The following CACNG2 variants were observed in gnomAD, a reference collection of about 807,000 sequenced individuals.
CACNG2 encodes calcium voltage-gated channel auxiliary subunit gamma 2.
In CACNG2, 3 loss-of-function variants were observed where a neutral mutation model predicts 25.9. That is an observed-to-expected ratio of 0.12 (90% confidence interval 0.05 to 0.30). The LOEUF (loss-of-function observed/expected upper bound fraction) is 0.30. Among genes scored for constraint, CACNG2 ranks in the 10% least tolerant of loss-of-function variants. The pLI is 1.00. For missense variants in CACNG2, 341 were observed against 432.5 expected, an observed-to-expected ratio of 0.79 and a Z score of 1.88; for synonymous variants, 167 against 173.3, an observed-to-expected ratio of 0.96 and a Z score of 0.29.
intron 1 of CACNG2, among the ~76,000 whole-genome samples, chr22:36,668,630 AG>A (rs1410509881): frequency 6.6e-6 from 1 of 152,042 alleles, no homozygotes; most frequent in African/African-American, 2.4e-5. Flanking sequence ...CTGGGACTAC[AG>A]GTGCACACCA....
intron 1 of CACNG2, among the ~76,000 whole-genome samples, chr22:36,600,764 CTGGAACTCCCAACCTCAGGTGATCTG>C (rs1935744031): frequency 6.6e-6 from 1 of 152,118 alleles, no homozygotes; most frequent in Non-Finnish European, 1.5e-5. Flanking sequence ...CCAGGCTGGT[CTGGAACTCCCAACCTCAGGTGATCTG>C]CCCGCCCTGG....
chr22:36,582,235 C>A (rs1385802450), intron 2 of CACNG2, among the ~76,000 whole-genome samples: 1 of 152,054 alleles, frequency 6.6e-6, no homozygotes, highest in African/African-American at 2.4e-5. Context: ...CAGAGCAAAC[C>A]CCCAAATTCT....
chr22:36,657,139 T>C lies in CACNG2; in HGVS notation c.211+45227A>G, dbSNP rs138988226. ...ATGTGGCACCTGCCTCAGTCTCTGA[T>C]GTTTGCTAGGATTGTGCTGGGATAA... On this transcript the variant is annotated intron_variant, in intron 1 of 3. Coordinates refer to ENST00000300105, the MANE Select transcript of CACNG2 (RefSeq NM_006078.5). Among the ~76,000 whole-genome samples, 1,046 of 152,310 alleles carry C rather than the reference T, an allele frequency of 6.9e-3. 8 individuals are homozygous for C. The highest frequency in any genetic ancestry group is 0.011 in the Non-Finnish European group (775 of 68,024).
At chr22:36,653,986 G>GTCTC (rs1936665365) in intron 1 of CACNG2, among the ~76,000 whole-genome samples, 1 of 121,176 alleles carries the variant, frequency 8.3e-6, no homozygotes, top group African/African-American at 5.2e-5. Context: ...GTGTCTCTGT[G>GTCTC]TGTGTGTGTG....
rs1223847364 is a variant in CACNG2 at position 36,640,222 on chromosome 22, T to C, written c.212-52674A>G. Among the ~76,000 whole-genome samples the C allele has an allele frequency of 2.0e-5, 3 of 152,166 alleles. No homozygotes were observed. In the East Asian group the frequency reaches 5.8e-4, roughly 29 times the overall value. On this transcript the variant is annotated intron_variant, in intron 1 of 3. Coordinates refer to ENST00000300105, the MANE Select transcript of CACNG2 (RefSeq NM_006078.5). ...CGCGGCTCCTTCACAGGGGCGGTTG[T>C]GAGGAATCTGCAATGACAAGCAGGA...
rs71193254 is a variant in CACNG2, at chr22:36,661,966, C to CTTTTTTTTTTTTTTT, written c.211+40385_211+40399dup. Among the ~76,000 whole-genome samples the CTTTTTTTTTTTTTTT allele has an allele frequency of 4.5e-5, 2 of 44,540 alleles. 1 individual carries two copies. The highest frequency in any genetic ancestry group is 1.3e-4 in the Non-Finnish European group (2 of 15,318). The allele number at this position is 44,540 out of a possible 152,430, so 29.2% of individuals were successfully genotyped here. ...TGCTTCCTATGGACTCATTGCTATT[C>CTTTTTTTTTTTTTTT]TTTTTTTTTTTTTTTTTTTTTTTTT... On this transcript the variant is annotated intron_variant, in intron 1 of 3. Coordinates refer to ENST00000300105, the MANE Select transcript of CACNG2 (RefSeq NM_006078.5).
At chr22:36,565,823 T>G (rs1317793924) in intron 3 of CACNG2, among the ~76,000 whole-genome samples, 1 of 152,192 alleles carries the variant, frequency 6.6e-6, no homozygotes, top group Non-Finnish European at 1.5e-5. Context: ...TGGCTCAGGC[T>G]ACACCCAGGT....
rs2145952922 is a variant in CACNG2 at position 36,624,999 on chromosome 22, G to A, written c.212-37451C>T. On this transcript the variant is annotated intron_variant, in intron 1 of 3. Coordinates refer to ENST00000300105, the MANE Select transcript of CACNG2 (RefSeq NM_006078.5). ...GCCGAGATCATGCCACTGCACTCCA[G>A]CCTGGCAACAGAGTGAGACTCTGTC... is the stretch of plus-strand genomic sequence containing the variant. 2.4e-5 allele frequency among the ~76,000 whole-genome samples: 3 copies of A among 124,668 alleles called. No individual in the cohort carries two copies. In the South Asian group the frequency reaches 8.3e-4, roughly 34 times the overall value. 81.8% of individuals were successfully genotyped at this position (124,668 alleles called of 152,430 possible). A position where few individuals can be genotyped will look rare whatever the true frequency, so the allele number is the denominator to read the frequency against.
intron 1 of CACNG2, among the ~76,000 whole-genome samples, chr22:36,697,545 A>G (rs991732156): frequency 6.6e-6 from 1 of 152,208 alleles, no homozygotes. Flanking sequence ...TGTGTTGTTC[A>G]TTCCTGTGTG....
At chr22:36,590,400 G>A (rs1007835987) in intron 1 of CACNG2, among the ~76,000 whole-genome samples, 4 of 152,162 alleles carry the variant, frequency 2.6e-5, no homozygotes, top group African/African-American at 7.2e-5. Context: ...CCTCTAGCCT[G>A]GCACTCTGGA....
At chr22:36,628,015 A>G (rs1241299572) in intron 1 of CACNG2, among the ~76,000 whole-genome samples, 1 of 152,226 alleles carries the variant, frequency 6.6e-6, no homozygotes, top group Non-Finnish European at 1.5e-5. Flanking sequence ...TCCTAATAAT[A>G]TACATATATG....
intron 1 of CACNG2, among the ~76,000 whole-genome samples, chr22:36,600,355 T>C (rs1461934323): frequency 6.6e-6 from 1 of 151,944 alleles, no homozygotes; most frequent in Non-Finnish European, 1.5e-5. Context: ...GCTTAAATGA[T>C]CCTCCTGCCT....
intron 1 of CACNG2, among the ~76,000 whole-genome samples, chr22:36,629,251 C>T (rs1000626951): frequency 2.0e-5 from 3 of 152,156 alleles, no homozygotes; most frequent in Non-Finnish European, 4.4e-5. Context: ...TATGTTCATT[C>T]TTCCTTCATT....
rs1230979614 is a variant in CACNG2, at chr22:36,606,847, GT to G, written c.212-19300del. Reference sequence around the variant, plus strand: ...TGTGTCTGTGGGTCTCTGTGTGTGTGTATGTATGTGTACGTGTGTATGTCTG... The same window carrying G: ...TGTGTCTGTGGGTCTCTGTGTGTGTGATGTATGTGTACGTGTGTATGTCTG... On this transcript the variant is annotated intron_variant, in intron 1 of 3. Coordinates refer to ENST00000300105, the MANE Select transcript of CACNG2 (RefSeq NM_006078.5). This position sits in a 1 kb window ranked among gnomAD's most constrained non-coding sequence, Gnocchi z 5.7. Among the ~76,000 whole-genome samples, 8 of 150,532 alleles carry G rather than the reference GT, an allele frequency of 5.3e-5. No individual in the cohort carries two copies. Among genetic ancestry groups the G allele is most frequent in the African/African-American group, 2.0e-4 (8 of 40,340 alleles).
intron 1 of CACNG2, among the ~76,000 whole-genome samples, chr22:36,625,656 G>C (rs1936173252): frequency 6.6e-6 from 1 of 152,148 alleles, no homozygotes; most frequent in African/African-American, 2.4e-5. Flanking sequence ...ATTATGCTTT[G>C]TCTGACTTGA....
chr22:36,650,284 C>T (rs1936588728), intron 1 of CACNG2, among the ~76,000 whole-genome samples: 1 of 152,166 alleles, frequency 6.6e-6, no homozygotes, highest in African/African-American at 2.4e-5. Flanking sequence ...ACATGCCTCC[C>T]TTCACCCTGA....
At chr22:36,698,773 G>T (rs772168868) in intron 1 of CACNG2, among the ~76,000 whole-genome samples, 20 of 152,162 alleles carry the variant, frequency 1.3e-4, no homozygotes, top group African/African-American at 4.6e-4. Context: ...ACGGACAGAG[G>T]GGGAGAGAAA....
chr22:36,657,524 G>A (rs906867375), intron 1 of CACNG2, among the ~76,000 whole-genome samples: 25 of 152,060 alleles, frequency 1.6e-4, no homozygotes, highest in African/African-American at 5.8e-4. Context: ...TGGAGGACAC[G>A]GGGGCCGGAA....
At chr22:36,636,712 G>A (rs1052256833) in intron 1 of CACNG2, among the ~76,000 whole-genome samples, 4 of 152,210 alleles carry the variant, frequency 2.6e-5, no homozygotes, top group African/African-American at 9.6e-5. Context: ...TGTCAGGAAA[G>A]CAAATCTGTA....
Sources: allele counts gnomAD v4.1 joint callset (sites outside exome capture counted in the v4.1 genomes callset), GRCh38; gene constraint gnomAD v4.1.1; non-coding constraint Gnocchi (gnomAD v3.1); transcripts MANE v1.5; gene names NCBI Gene and HGNC (gene_info 2026-07-23, HGNC 2026-07-21).